The following NFIA variants were observed in gnomAD, a reference collection of about 807,000 sequenced individuals.
NFIA encodes nuclear factor 1 A-type.
Under a neutral mutation model 62.8 loss-of-function variants are expected in NFIA, and 8 were observed. That is an observed-to-expected ratio of 0.13 (90% CI 0.07 to 0.23). NFIA has a LOEUF of 0.23. Ranked by LOEUF, NFIA falls within the 10% of genes least tolerant of loss-of-function variation. The probability of loss-of-function intolerance (pLI) is 1.00; values close to 1 mark genes in which losing one functional copy is unlikely to be tolerated. For synonymous variants in NFIA, 235 were observed against 238.1 expected, an observed-to-expected ratio of 0.99 and a Z score of 0.12; for missense variants, 410 against 642.1, an observed-to-expected ratio of 0.64 and a Z score of 3.91.
At chr1:61,415,136 C>T (rs1251547445) in intron 9 of NFIA, among the ~76,000 whole-genome samples, 2 of 152,074 alleles carry the variant, frequency 1.3e-5, no homozygotes, top group African/African-American at 2.4e-5. Flanking sequence ...ATAAGAGTGG[C>T]ATTTTATATT....
intron 2 of NFIA, among the ~76,000 whole-genome samples, chr1:61,247,300 T>C (rs920245778): frequency 6.6e-6 from 1 of 152,250 alleles, no homozygotes; most frequent in Non-Finnish European, 1.5e-5. Flanking sequence ...GTGAAACGTG[T>C]ACTTCACAGA....
At chr1:61,324,868 T>C (rs927468603) in intron 3 of NFIA, among the ~76,000 whole-genome samples, 1 of 152,238 alleles carries the variant, frequency 6.6e-6, no homozygotes, top group African/African-American at 2.4e-5. Context: ...CTCTCCCATA[T>C]AGTTTAATCT....
intron 2 of NFIA, among the ~76,000 whole-genome samples, chr1:61,105,129 T>C (rs1646573360): frequency 6.6e-6 from 1 of 152,094 alleles, no homozygotes; most frequent in East Asian, 1.9e-4. Flanking sequence ...TATTTTCTTA[T>C]ATATCTTCTT....
intron 8 of NFIA, among the ~76,000 whole-genome samples, chr1:61,406,218 A>C (rs573169963): frequency 3.9e-5 from 6 of 152,330 alleles, no homozygotes; most frequent in African/African-American, 1.2e-4. Flanking sequence ...AGAAAAATAC[A>C]AAAGATTCCA....
chr1:61,108,383 G>GT (rs1646640171), intron 2 of NFIA, among the ~76,000 whole-genome samples: 1 of 151,386 alleles, frequency 6.6e-6, no homozygotes, highest in Non-Finnish European at 1.5e-5. Context: ...TTAATATTTT[G>GT]TTTTTAACTC....
At chr1:61,328,508 G>A (rs1270102190) in intron 3 of NFIA, among the ~76,000 whole-genome samples, 3 of 151,630 alleles carry the variant, frequency 2.0e-5, no homozygotes, top group South Asian at 2.1e-4. Context: ...CACAACCTAC[G>A]CTTCCCCGTT....
At chr1:61,238,873 A>C (rs1655160812) in intron 2 of NFIA, among the ~76,000 whole-genome samples, 1 of 152,136 alleles carries the variant, frequency 6.6e-6, no homozygotes, top group African/African-American at 2.4e-5. Context: ...CCTGGGTTAC[A>C]TTTTATTCCC....
chr1:61,268,954 C>T (rs1657345532), intron 2 of NFIA, among the ~76,000 whole-genome samples: 1 of 152,120 alleles, frequency 6.6e-6, no homozygotes, highest in South Asian at 2.1e-4. Flanking sequence ...TCCCCTGAAC[C>T]CGTGCTCCCT....
chr1:61,106,586 T>C (rs1484627549), intron 2 of NFIA, among the ~76,000 whole-genome samples: 1 of 151,896 alleles, frequency 6.6e-6, no homozygotes, highest in Non-Finnish European at 1.5e-5. Context: ...TTTTAAAATT[T>C]TTCAAATCTG....
chr1:61,334,869 C>G (rs1320269444), intron 4 of NFIA, among the ~76,000 whole-genome samples: 1 of 151,936 alleles, frequency 6.6e-6, no homozygotes, highest in Non-Finnish European at 1.5e-5. Context: ...CTCCTCCTTC[C>G]ACTCCCTGTC....
intron 2 of NFIA, among the ~76,000 whole-genome samples, chr1:61,132,058 T>C (rs529978482): frequency 6.6e-6 from 1 of 152,314 alleles, no homozygotes; most frequent in East Asian, 1.9e-4. Flanking sequence ...TATACACTTC[T>C]GTAGAAAAAA....
At chr1:61,319,999 A>G (rs997526634) in intron 3 of NFIA, among the ~76,000 whole-genome samples, 12 of 151,982 alleles carry the variant, frequency 7.9e-5, no homozygotes, top group African/African-American at 2.9e-4. Context: ...ATCTCACATA[A>G]TCTTCCAAGG....
In NFIA at chr1:61,088,740, T is replaced by G; in HGVS notation, c.559+60T>G. The G allele has an allele frequency of 5.9e-6, 9 of 1,537,342 alleles. No individual in the cohort carries two copies. Among genetic ancestry groups the G allele is most frequent in the Non-Finnish European group, 7.0e-6 (8 of 1,143,802 alleles). On this transcript the variant is annotated intron_variant, in intron 2 of 10. Transcript: ENST00000403491. The surrounding 1 kb of genome is among the most constrained non-coding windows in gnomAD (Gnocchi z 4.5). ...TGTGTGTGTTTCTTTCCTGATGGCCTCCGCGTTATGCCGGATTCTTCCTGA... is the reference window on the plus strand; with the variant it reads ...TGTGTGTGTTTCTTTCCTGATGGCCGCCGCGTTATGCCGGATTCTTCCTGA...
chr1:61,385,509 AAAC>A (rs1289190663), intron 7 of NFIA, among the ~76,000 whole-genome samples: 11 of 152,218 alleles, frequency 7.2e-5, no homozygotes, highest in Non-Finnish European at 1.2e-4. Flanking sequence ...TCTTATACAG[AAAC>A]AACAATAAAA....
At chr1:61,169,017 GCT>G (rs1273183093) in intron 2 of NFIA, among the ~76,000 whole-genome samples, 5 of 152,226 alleles carry the variant, frequency 3.3e-5, no homozygotes, top group African/African-American at 7.2e-5. Context: ...CTCCTATCAG[GCT>G]CTGTTTGTGG....
intron 7 of NFIA, among the ~76,000 whole-genome samples, chr1:61,386,975 G>A (rs1664722136): frequency 6.6e-6 from 1 of 152,084 alleles, no homozygotes; most frequent in Non-Finnish European, 1.5e-5. Context: ...GAAGGGGTGG[G>A]GTCGCTCTCT....
At chr1:61,450,991 G>A (rs1167335346) in intron 10 of NFIA, among the ~76,000 whole-genome samples, 1 of 152,188 alleles carries the variant, frequency 6.6e-6, no homozygotes, top group Non-Finnish European at 1.5e-5. Flanking sequence ...CGCAGGGGTT[G>A]AGGCCATGGC....
intron 2 of NFIA, among the ~76,000 whole-genome samples, chr1:61,260,548 A>G (rs1364907513): frequency 1.3e-5 from 2 of 152,220 alleles, no homozygotes; most frequent in East Asian, 3.9e-4. Context: ...GTGGAATGAT[A>G]TGCTGAGTAA....
intron 3 of NFIA, among the ~76,000 whole-genome samples, chr1:61,288,661 G>A (rs1221282193): frequency 6.6e-6 from 1 of 152,134 alleles, no homozygotes; most frequent in Non-Finnish European, 1.5e-5. Flanking sequence ...AGATTTATTG[G>A]GGCAATACCT....
Sources: allele counts gnomAD v4.1 joint callset (sites outside exome capture counted in the v4.1 genomes callset), GRCh38; gene constraint gnomAD v4.1.1; non-coding constraint Gnocchi (gnomAD v3.1); transcripts MANE v1.5; gene names NCBI Gene and HGNC (gene_info 2026-07-23, HGNC 2026-07-21).